AFDN: variants seen among roughly 807,000 people sequenced by gnomAD.
AFDN encodes afadin.
AFDN carries 68 observed loss-of-function variants against 216.6 expected under a neutral mutation model. The ratio of observed to expected loss-of-function variants is 0.31; its 90% confidence interval spans 0.26 to 0.38. AFDN has a LOEUF of 0.38. Among genes scored for constraint, AFDN ranks in the 10% least tolerant of loss-of-function variants. The pLI is 1.00. For missense variants in AFDN, 2,136 were observed against 2,342.0 expected (o/e 0.91, Z 1.82); for synonymous variants, 868 against 853.7 (o/e 1.02, Z -0.29).
chr6:167,842,119 T>G (rs1433395688), intron 1 of AFDN, among the ~76,000 whole-genome samples: 1 of 152,168 alleles, frequency 6.6e-6, no homozygotes, highest in African/African-American at 2.4e-5. Flanking sequence ...TACTCCTGAC[T>G]CATTTAACCC....
upstream of AFDN, chr6:167,826,712 G>A (rs1280108335): frequency 2.3e-6 from 1 of 433,690 alleles, no homozygotes. Context: ...ACCACCGCCA[G>A]TCCAGACGGA....
intron 23 of AFDN, among the ~76,000 whole-genome samples, chr6:167,929,047 G>A (rs1393124225): frequency 2.0e-5 from 3 of 152,180 alleles, no homozygotes; most frequent in Non-Finnish European, 4.4e-5. Context: ...ATGTGATTTA[G>A]GAGTCTGCAG....
chr6:167,861,227 C>A (rs748692613), intron 1 of AFDN, among the ~76,000 whole-genome samples: 9 of 152,164 alleles, frequency 5.9e-5, no homozygotes, highest in Non-Finnish European at 1.2e-4. Context: ...AATAATTGAG[C>A]AGAATGTTAA....
chr6:167,868,140 G>A (rs766926454), intron 2 of AFDN, among the ~76,000 whole-genome samples: 7 of 152,074 alleles, frequency 4.6e-5, no homozygotes, highest in South Asian at 2.1e-4. Flanking sequence ...CAAAGTGATC[G>A]TTTGTACTGC....
chr6:167,947,133 T>C (rs1795360720), intron 27 of AFDN, among the ~76,000 whole-genome samples: 1 of 152,096 alleles, frequency 6.6e-6, no homozygotes, highest in Non-Finnish European at 1.5e-5. Flanking sequence ...CATCTCTATT[T>C]GGGGTTGGTA....
intron 14 of AFDN, 57 bp downstream of exon 14, chr6:167,911,219 T>C: frequency 1.2e-6 from 2 of 1,602,686 alleles, no homozygotes; most frequent in Non-Finnish European, 1.7e-6. Context: ...TTTTACTCCA[T>C]CTGATTTTCA....
intron 31 of AFDN, chr6:167,963,679 A>G (rs79225378): frequency 0.031 from 32,536 of 1,060,720 alleles, 533 homozygotes; most frequent in African/African-American, 0.041. Context: ...TAAGTTTATC[A>G]TCATATTATC....
intron 22 of AFDN, among the ~76,000 whole-genome samples, chr6:167,924,354 A>G (rs1792222980): frequency 6.6e-6 from 1 of 152,172 alleles, no homozygotes; most frequent in Admixed American, 6.5e-5. Context: ...TTCAATGAGT[A>G]ATTTTGCTTT....
chr6:167,888,954 T>TA (rs780867435), intron 6 of AFDN, among the ~76,000 whole-genome samples: 4,074 of 146,926 alleles, frequency 0.028, 148 homozygotes, highest in African/African-American at 0.085. Flanking sequence ...TAAAAAGTTG[T>TA]AAAAAAAAAA....
intron 23 of AFDN, among the ~76,000 whole-genome samples, chr6:167,932,090 G>A (rs1193299515): frequency 6.6e-6 from 1 of 152,232 alleles, no homozygotes; most frequent in East Asian, 1.9e-4. Context: ...TCATGAGTGT[G>A]TGGTATATGT....
chr6:167,832,897 G>T (rs938570387), intron 1 of AFDN, among the ~76,000 whole-genome samples: 14 of 152,200 alleles, frequency 9.2e-5, no homozygotes, highest in African/African-American at 3.4e-4. Context: ...TACCTTGTAA[G>T]CGTCACTCCT....
intron 25 of AFDN, 91 bp downstream of exon 25, chr6:167,943,566 T>TA: frequency 1.0e-6 from 1 of 1,001,670 alleles, no homozygotes. Flanking sequence ...AAAACTATGC[T>TA]AAAACGTGCT....
intron 1 of AFDN, among the ~76,000 whole-genome samples, chr6:167,840,039 C>G (rs984348524): frequency 3.9e-5 from 6 of 152,150 alleles, no homozygotes; most frequent in African/African-American, 1.4e-4. Context: ...AAGACAGGCA[C>G]AGCAAGCAAG....
chr6:167,896,850 T>C (rs1271693696), intron 9 of AFDN, 28 bp from the exon 10 acceptor site: 1 of 1,410,548 alleles, frequency 7.1e-7, no homozygotes, highest in Non-Finnish European at 1.0e-6. Context: ...ACTTTGCAAA[T>C]AGAGCTGTCT....
Position 167,969,769 on chromosome 6 carries a change from C to T in AFDN, c.5343-13C>T. On this transcript the variant is annotated splice_polypyrimidine_tract_variant and intron_variant, in intron 33 of 33. Transcript: ENST00000683244. ...GTTTGTCCAGTAATCTTTGATATTG[C>T]CCTCTTCTGCAGCCAAGATGCAGAT... 1.3e-5 allele frequency: 21 copies of T among 1,598,036 alleles called. No individual in the cohort carries two copies. The highest frequency in any genetic ancestry group is 1.8e-5 in the Non-Finnish European group (21 of 1,175,154).
chr6:167,920,318 G>A (rs185916834), intron 21 of AFDN, among the ~76,000 whole-genome samples: 10 of 152,266 alleles, frequency 6.6e-5, no homozygotes, highest in East Asian at 1.9e-4. Flanking sequence ...CATTAGTTCC[G>A]TGCTCTGCCA....
Position 167,971,470 on chromosome 6 carries a change from C to T in AFDN, c.*1535C>T. Reference sequence around the variant, plus strand: ...ATCAGGGTTTTTATTTGAAAGTGTGCTCTTACCATTTCCTTGTTTGAGTAA... The same window carrying T: ...ATCAGGGTTTTTATTTGAAAGTGTGTTCTTACCATTTCCTTGTTTGAGTAA... On this transcript the variant is annotated 3_prime_UTR_variant, in exon 34 of 34. Coordinates refer to ENST00000683244, the MANE Select transcript of AFDN (RefSeq NM_001386888.1). The T allele has an allele frequency of 5.1e-6, 1 of 195,060 alleles. No homozygotes were observed. The highest frequency in any genetic ancestry group is 1.1e-5 in the Non-Finnish European group (1 of 94,098). The allele number at this position is 195,060 out of a possible 1,614,324, so 12.1% of individuals were successfully genotyped here.
At chr6:167,844,663 C>T (rs1781440633) in intron 1 of AFDN, among the ~76,000 whole-genome samples, 1 of 151,910 alleles carries the variant, frequency 6.6e-6, no homozygotes, top group African/African-American at 2.4e-5. Flanking sequence ...GATAGACTAC[C>T]AAGTTATTAT....
intron 2 of AFDN, 152 bp downstream of exon 2, chr6:167,864,898 A>G (rs771544283): frequency 6.1e-6 from 5 of 821,888 alleles, no homozygotes; most frequent in African/African-American, 5.0e-5. Flanking sequence ...GGCTGAGAAA[A>G]CTGTTTTATG....
Sources: allele counts gnomAD v4.1 joint callset (sites outside exome capture counted in the v4.1 genomes callset), GRCh38; gene constraint gnomAD v4.1.1; transcripts MANE v1.5; gene names NCBI Gene and HGNC (gene_info 2026-07-23, HGNC 2026-07-21).